The following GRIA3 variants were observed in gnomAD, a reference collection of about 807,000 sequenced individuals.
GRIA3 encodes glutamate ionotropic receptor AMPA type subunit 3.
A neutral mutation model predicts 63.0 loss-of-function variants in GRIA3; 3 were observed. The observed-to-expected ratio is 0.05, with a 90% confidence interval of 0.02 to 0.12. The LOEUF (loss-of-function observed/expected upper bound fraction) is 0.12, where lower values mean the gene tolerates loss of function less well. Ranked by LOEUF, GRIA3 falls within the 10% of genes least tolerant of loss-of-function variation. The probability of loss-of-function intolerance (pLI) is 1.00; values close to 1 mark genes in which losing one functional copy is unlikely to be tolerated. For missense variants in GRIA3, 347 were observed against 700.9 expected, an observed-to-expected ratio of 0.50 and a Z score of 5.70; for synonymous variants, 274 against 257.9, an observed-to-expected ratio of 1.06 and a Z score of -0.60.
intron 2 of GRIA3, among the ~76,000 whole-genome samples, chrX:123,216,275 C>T (rs1392156265): frequency 1.8e-5 from 2 of 112,026 alleles, no homozygotes; most frequent in Non-Finnish European, 3.8e-5. Flanking sequence ...TGTTGCATGA[C>T]AATCAGCAGT....
At chrX:123,273,732 C>T (rs973494571) in intron 3 of GRIA3, among the ~76,000 whole-genome samples, 3 of 111,968 alleles carry the variant, frequency 2.7e-5, no homozygotes, top group African/African-American at 9.7e-5. Context: ...ATTCTGGTGC[C>T]CATTCTTGGA....
Position 123,310,996 on chromosome X carries a change from C to T in GRIA3, c.509-15030C>T, listed in dbSNP as rs60542285. ...CTATCCTGGGCAACACAGTGAGAAT[C>T]TGTCAAAAAAAAAAAAAAAAAGAAA... is the stretch of plus-strand genomic sequence containing the variant. On this transcript the variant is annotated intron_variant, in intron 3 of 15. Transcript: ENST00000620443. 2.2e-4 allele frequency among the ~76,000 whole-genome samples: 11 copies of T among 49,346 alleles called. No homozygotes were observed. The East Asian group carries it at 0.012, about 54-fold the overall frequency. 42.9% of individuals were successfully genotyped at this position (49,346 alleles called of 115,157 possible). A position where few individuals can be genotyped will look rare whatever the true frequency, so the allele number is the denominator to read the frequency against.
At chrX:123,217,104 A>C (rs964785701) in intron 2 of GRIA3, among the ~76,000 whole-genome samples, 2 of 111,686 alleles carry the variant, frequency 1.8e-5, no homozygotes, top group Non-Finnish European at 3.8e-5. Flanking sequence ...TGCAAAGCCA[A>C]CAAAACTGCA....
intron 5 of GRIA3, among the ~76,000 whole-genome samples, chrX:123,383,716 T>G (rs2045337999): frequency 9.0e-6 from 1 of 111,372 alleles, no homozygotes; most frequent in Non-Finnish European, 1.9e-5. Context: ...TTTTTCAACT[T>G]TTATTTTTGG....
At chrX:123,330,994 A>G (rs928110753) in intron 4 of GRIA3, among the ~76,000 whole-genome samples, 2 of 112,158 alleles carry the variant, frequency 1.8e-5, no homozygotes, top group African/African-American at 6.5e-5. Context: ...TAATTTGTCT[A>G]TTCATTATAT....
intron 12 of GRIA3, among the ~76,000 whole-genome samples, chrX:123,458,788 C>A (rs1027864210): frequency 9.0e-6 from 1 of 111,596 alleles, no homozygotes; most frequent in Non-Finnish European, 1.9e-5. Context: ...TGCCATCCTG[C>A]CCATTCTCCT....
intron 5 of GRIA3, among the ~76,000 whole-genome samples, chrX:123,375,457 A>G (rs983507737): frequency 1.8e-5 from 2 of 111,896 alleles, no homozygotes; most frequent in African/African-American, 3.2e-5. Flanking sequence ...TTGGAGAATA[A>G]GTTTGTAAGT....
chrX:123,190,856 C>T (rs943373165), intron 2 of GRIA3, among the ~76,000 whole-genome samples: 4 of 111,713 alleles, frequency 3.6e-5, no homozygotes, highest in Admixed American at 2.8e-4. Context: ...GTTTTTGGCT[C>T]CTGATGTATT....
At chrX:123,309,918 C>T (rs1318836977) in intron 3 of GRIA3, among the ~76,000 whole-genome samples, 2 of 111,969 alleles carry the variant, frequency 1.8e-5, no homozygotes, top group Non-Finnish European at 3.8e-5. Flanking sequence ...TTAATAAATA[C>T]TTTCATCTTC....
chrX:123,327,454 C>T (rs1438315202), intron 4 of GRIA3, among the ~76,000 whole-genome samples: 1 of 111,258 alleles, frequency 9.0e-6, no homozygotes, highest in African/African-American at 3.3e-5. Flanking sequence ...CCCAGTGTAC[C>T]TAGGGGCCAA....
intron 12 of GRIA3, among the ~76,000 whole-genome samples, chrX:123,429,713 T>A (rs1000050335): frequency 3.6e-5 from 4 of 112,050 alleles, no homozygotes; most frequent in Non-Finnish European, 5.6e-5. Flanking sequence ...CTATATGAAG[T>A]AATTAACCAC....
intron 13 of GRIA3, among the ~76,000 whole-genome samples, chrX:123,469,558 C>A (rs2045851712): frequency 1.8e-5 from 2 of 111,970 alleles, no homozygotes; most frequent in South Asian, 7.5e-4. Context: ...CAGACTTGAT[C>A]ATTTCTTGAT....
At chrX:123,416,780 T>C (rs2045538613) in intron 10 of GRIA3, among the ~76,000 whole-genome samples, 2 of 113,107 alleles carry the variant, frequency 1.8e-5, no homozygotes, top group African/African-American at 6.4e-5. Flanking sequence ...TTTTTAGGCA[T>C]CTACAGTTTC....
intron 2 of GRIA3, among the ~76,000 whole-genome samples, chrX:123,218,298 A>G (rs187476832): frequency 1.8e-5 from 2 of 111,741 alleles, no homozygotes; most frequent in Non-Finnish European, 3.8e-5. Context: ...CCAGCTTATT[A>G]GAGGCTGTAG....
At chrX:123,245,796 T>A (rs2044355505) in intron 2 of GRIA3, among the ~76,000 whole-genome samples, 1 of 111,654 alleles carries the variant, frequency 9.0e-6, no homozygotes, top group Non-Finnish European at 1.9e-5. Context: ...GACTGCAAGA[T>A]CTTTATTATC....
At chrX:123,283,811 T>C (rs756065110) in intron 3 of GRIA3, among the ~76,000 whole-genome samples, 43 of 112,656 alleles carry the variant, frequency 3.8e-4, no homozygotes, top group Non-Finnish European at 7.1e-4. Context: ...GGGGTGGCTG[T>C]GGGCACAGCT....
chrX:123,299,946 T>C (rs1222567421), intron 3 of GRIA3, among the ~76,000 whole-genome samples: 1 of 111,783 alleles, frequency 8.9e-6, no homozygotes, highest in East Asian at 2.8e-4. Context: ...AAACAGATGT[T>C]GAATTTTATC....
intron 5 of GRIA3, among the ~76,000 whole-genome samples, chrX:123,367,665 AACCTCAGGTGATCCGACT>A (rs771148601): frequency 2.7e-5 from 3 of 111,256 alleles, no homozygotes; most frequent in African/African-American, 9.8e-5. Flanking sequence ...TAGAACTGCT[AACCTCAGGTGATCCGACT>A]ACCTCAGCCT....
At chrX:123,389,738 C>T (rs1187669420) in intron 5 of GRIA3, among the ~76,000 whole-genome samples, 4 of 110,258 alleles carry the variant, frequency 3.6e-5, no homozygotes, top group Admixed American at 9.7e-5. Context: ...AACAAAGTCT[C>T]GCTCTGTTGC....
Sources: allele counts gnomAD v4.1 joint callset (sites outside exome capture counted in the v4.1 genomes callset), GRCh38; gene constraint gnomAD v4.1.1; transcripts MANE v1.5; gene names NCBI Gene and HGNC (gene_info 2026-07-23, HGNC 2026-07-21).